PALS1: variants seen among roughly 807,000 people sequenced by gnomAD.
PALS1 encodes the protein protein PALS1.
Under a neutral mutation model 78.9 loss-of-function variants are expected in PALS1, and 31 were observed. The observed-to-expected ratio is 0.39, with a 90% confidence interval of 0.30 to 0.53. PALS1 has a LOEUF of 0.53. Ranked by LOEUF, PALS1 falls within the 20% of genes least tolerant of loss-of-function variation. The probability of loss-of-function intolerance (pLI) is 0.67; values close to 1 mark genes in which losing one functional copy is unlikely to be tolerated. For synonymous variants in PALS1, 276 were observed against 270.9 expected, an observed-to-expected ratio of 1.02 and a Z score of -0.18; for missense variants, 704 against 826.5, an observed-to-expected ratio of 0.85 and a Z score of 1.82.
intron 9 of PALS1, among the ~76,000 whole-genome samples, chr14:67,313,973 A>C: frequency 6.6e-6 from 1 of 151,056 alleles, no homozygotes; most frequent in South Asian, 2.1e-4. Context: ...ACAAACAAAA[A>C]TTAAAAAAAA....
Position 67,291,139 on chromosome 14 carries a change from T to C in PALS1, c.368-1372T>C, listed in dbSNP as rs181662561. On this transcript the variant is annotated intron_variant, in intron 3 of 14. Coordinates refer to ENST00000261681, the MANE Select transcript of PALS1 (RefSeq NM_022474.4). ...TATAATTAAGAGGTAAATGGAAATA[T>C]TGGAAAACGATTCCCAACAAATATG... Among the ~76,000 whole-genome samples the C allele has an allele frequency of 3.9e-5, 6 of 152,086 alleles. No individual in the cohort carries two copies. The East Asian group carries it at 9.7e-4, about 25-fold the overall frequency.
intron 1 of PALS1, among the ~76,000 whole-genome samples, chr14:67,258,099 A>C (rs1228254543): frequency 6.6e-6 from 1 of 151,892 alleles, no homozygotes; most frequent in Non-Finnish European, 1.5e-5. Flanking sequence ...TAAATATTCA[A>C]ATTTAATGCA....
intron 1 of PALS1, among the ~76,000 whole-genome samples, chr14:67,259,458 A>G (rs993968892): frequency 6.6e-6 from 1 of 151,956 alleles, no homozygotes; most frequent in Non-Finnish European, 1.5e-5. Flanking sequence ...TAAAAATATA[A>G]AAAATCAGCC....
At chr14:67,324,368 T>C (rs2085316486) in intron 14 of PALS1, among the ~76,000 whole-genome samples, 1 of 152,232 alleles carries the variant, frequency 6.6e-6, no homozygotes, top group African/African-American at 2.4e-5. Flanking sequence ...TATTTAAATA[T>C]GTAAGATGGT....
At chr14:67,312,756 G>T in intron 9 of PALS1, 46 bp downstream of exon 9, 1 of 1,347,450 alleles carries the variant, frequency 7.4e-7, no homozygotes, top group Non-Finnish European at 9.8e-7. Context: ...AAAGAACATT[G>T]AAAATGCAAG....
chr14:67,292,806 A>T, intron 4 of PALS1, 87 bp downstream of exon 4: 1 of 996,644 alleles, frequency 1.0e-6, no homozygotes, highest in Non-Finnish European at 1.5e-6. Context: ...TAATGTGACT[A>T]TAAGATTTGT....
intron 1 of PALS1, among the ~76,000 whole-genome samples, chr14:67,245,486 C>G (rs1042572013): frequency 3.3e-5 from 5 of 151,922 alleles, no homozygotes; most frequent in Non-Finnish European, 7.4e-5. Flanking sequence ...GGATTATTGT[C>G]TTATTGCTGA....
chr14:67,272,464 G>A (rs1402680274), intron 2 of PALS1, among the ~76,000 whole-genome samples: 1 of 152,176 alleles, frequency 6.6e-6, no homozygotes, highest in African/African-American at 2.4e-5. Flanking sequence ...AATACTATGT[G>A]AACTGCTTGC....
intron 4 of PALS1, among the ~76,000 whole-genome samples, chr14:67,295,690 T>A (rs899932236): frequency 6.6e-6 from 1 of 152,124 alleles, no homozygotes; most frequent in Non-Finnish European, 1.5e-5. Context: ...ATGACAATGA[T>A]TACAATTTAA....
chr14:67,297,040 C>A lies in PALS1; in HGVS notation c.576+4321C>A, dbSNP rs140433730. On this transcript the variant is annotated intron_variant, in intron 4 of 14. Transcript: ENST00000261681. The stretch of plus-strand genomic sequence containing the variant: ...TGATACAAATTCTTAGAAAGCCAGT[C>A]ACATTATTTTAACTTGATAATAGTC... Among the ~76,000 whole-genome samples, 1,325 of 152,290 alleles carry A rather than the reference C, an allele frequency of 8.7e-3. 12 individuals carry two copies. Among genetic ancestry groups the A allele is most frequent in the Non-Finnish European group, 0.015 (1,034 of 68,028 alleles).
intron 1 of PALS1, among the ~76,000 whole-genome samples, chr14:67,252,378 C>T (rs2084078585): frequency 6.6e-6 from 1 of 152,092 alleles, no homozygotes; most frequent in Non-Finnish European, 1.5e-5. Flanking sequence ...TGGTCTTAAA[C>T]TCCTGGTCTC....
intron 11 of PALS1, among the ~76,000 whole-genome samples, chr14:67,318,628 C>T (rs865880849): frequency 6.6e-6 from 1 of 151,440 alleles, no homozygotes; most frequent in Non-Finnish European, 1.5e-5. Flanking sequence ...ATTACATTTG[C>T]TGTTTATGAT....
At chr14:67,266,855 A>G (rs2084334131) in intron 1 of PALS1, among the ~76,000 whole-genome samples, 1 of 152,004 alleles carries the variant, frequency 6.6e-6, no homozygotes, top group Non-Finnish European at 1.5e-5. Flanking sequence ...CATGCCTGTA[A>G]TCCCAGCATG....
chr14:67,279,135 A>G lies in PALS1; in HGVS notation c.-36A>G. 1 of 1,501,440 alleles carries G rather than the reference A, an allele frequency of 6.7e-7. No individual in the cohort carries two copies. The highest frequency in any genetic ancestry group is 8.9e-7 in the Non-Finnish European group (1 of 1,128,486). The allele number at this position is 1,501,440 out of a possible 1,614,324, so 93.0% of individuals were successfully genotyped here. A position where few individuals can be genotyped will look rare whatever the true frequency, so the allele number is the denominator to read the frequency against. ...GAGAATTGGCTTATAGGAAAAATTG[A>G]TTTATAAAAAGTGGTACAGGTTTTC... On this transcript the variant is annotated 5_prime_UTR_variant, in exon 3 of 15. Transcript: ENST00000261681.
In PALS1 at chr14:67,312,694, A is replaced by G. The variant is rs775453036; in HGVS notation, c.1209A>G (p.Leu403=). 1 of 1,609,186 alleles carries G rather than the reference A, an allele frequency of 6.2e-7. No homozygotes were observed. Among genetic ancestry groups the G allele is most frequent in the East Asian group, 2.2e-5 (1 of 44,786 alleles). Residue 403 remains leucine (L), a synonymous_variant, in exon 9 of 15, where the codon CTA becomes CTG. Transcript: ENST00000261681. ...YREGDEDNQP[L]AGLVPGKSFQ... is the part of the protein sequence containing the mutation. ...AAGGGGACGAAGATAATCAACCTCTAGCCGGGCTTGTTCCAGGTAAGACAC... is the reference window on the plus strand; with the variant it reads ...AAGGGGACGAAGATAATCAACCTCTGGCCGGGCTTGTTCCAGGTAAGACAC...
chr14:67,317,613 GA>G (rs2085197315), intron 11 of PALS1, 134 bp downstream of exon 11: 1 of 542,916 alleles, frequency 1.8e-6, no homozygotes, highest in Non-Finnish European at 3.2e-6. Context: ...GGAATCCTGT[GA>G]GTAAGGCAGT....
chr14:67,320,154 G>T, intron 11 of PALS1, 76 bp from the exon 12 acceptor site: 1 of 1,353,036 alleles, frequency 7.4e-7, no homozygotes, highest in Non-Finnish European at 9.9e-7. Flanking sequence ...AATTTTGGGT[G>T]AAGATCTATG....
intron 1 of PALS1, among the ~76,000 whole-genome samples, chr14:67,244,984 G>A (rs1445017482): frequency 6.6e-6 from 1 of 152,142 alleles, no homozygotes; most frequent in Admixed American, 6.6e-5. Flanking sequence ...TGTAACAATT[G>A]GTCAGAGAAG....
chr14:67,314,951 T>A (rs1472396035), intron 9 of PALS1, among the ~76,000 whole-genome samples: 1 of 151,946 alleles, frequency 6.6e-6, no homozygotes, highest in Admixed American at 6.6e-5. Context: ...CTACAAAAAA[T>A]TTAAAAATTA....
Sources: gnomAD v4.1 joint callset for allele counts (sites outside exome capture counted in the v4.1 genomes callset) on GRCh38, gnomAD v4.1.1 for gene constraint, MANE v1.5 for transcripts, NCBI Gene and HGNC (gene_info 2026-07-23, HGNC 2026-07-21) for gene names.